Variants in SPAG17 observed in about 807,000 individuals in gnomAD.
The protein encoded by SPAG17 is sperm-associated antigen 17.
In SPAG17, 169 loss-of-function variants were observed where a neutral mutation model predicts 273.6. That is an observed-to-expected ratio of 0.62 (90% confidence interval 0.55 to 0.70). The LOEUF (loss-of-function observed/expected upper bound fraction) is 0.70, where lower values mean the gene tolerates loss of function less well. Ranked by LOEUF, SPAG17 falls within the 30% of genes least tolerant of loss-of-function variation. The pLI is 0.00. For missense variants in SPAG17, 2,557 were observed against 2,627.8 expected, an observed-to-expected ratio of 0.97 and a Z score of 0.59; for synonymous variants, 825 against 873.2, an observed-to-expected ratio of 0.94 and a Z score of 0.97.
At chr1:118,101,639 A>G (rs1224090855) in intron 5 of SPAG17, 101 bp downstream of exon 5, 1 of 1,183,044 alleles carries the variant, frequency 8.5e-7, no homozygotes, top group African/African-American at 1.5e-5. Flanking sequence ...TGGCGTCAGG[A>G]AACTATGCGC....
intron 48 of SPAG17, chr1:117,958,825 A>G: frequency 1.5e-6 from 1 of 660,906 alleles, no homozygotes; most frequent in Non-Finnish European, 2.3e-6. Context: ...TGTTGCTTTG[A>G]TATTGTGTCT....
chr1:117,972,378 T>C (rs1385724627), intron 44 of SPAG17, among the ~76,000 whole-genome samples: 1 of 152,230 alleles, frequency 6.6e-6, no homozygotes, highest in Non-Finnish European at 1.5e-5. Flanking sequence ...TCCATCAGAA[T>C]CTCCTGGAGG....
intron 31 of SPAG17, among the ~76,000 whole-genome samples, chr1:118,006,450 A>G (rs1658889894): frequency 6.6e-6 from 1 of 152,232 alleles, no homozygotes; most frequent in East Asian, 1.9e-4. Context: ...TGGATAAGTA[A>G]TATTCCATTG....
chr1:118,150,691 A>T, intron 2 of SPAG17, 62 bp from the exon 3 acceptor site: 2 of 946,334 alleles, frequency 2.1e-6, no homozygotes, highest in Non-Finnish European at 3.2e-6. Flanking sequence ...ACTTAGATAT[A>T]TGTAACTTTC....
intron 21 of SPAG17, 60 bp downstream of exon 21, chr1:118,041,743 T>C (rs558461671): frequency 1.2e-4 from 183 of 1,558,524 alleles, no homozygotes; most frequent in Non-Finnish European, 1.5e-4. Context: ...AATAACCGTA[T>C]TTTCCCAAAA....
At chr1:118,067,552 C>T (rs1333610082) in intron 17 of SPAG17, among the ~76,000 whole-genome samples, 1 of 152,204 alleles carries the variant, frequency 6.6e-6, no homozygotes, top group Non-Finnish European at 1.5e-5. Flanking sequence ...CTCAACAAAA[C>T]TCAACCATGC....
At chr1:118,033,142 C>T (rs752560431) in intron 24 of SPAG17, among the ~76,000 whole-genome samples, 2 of 152,088 alleles carry the variant, frequency 1.3e-5, no homozygotes, top group Non-Finnish European at 2.9e-5. Flanking sequence ...CATTGGGGCT[C>T]CAATTGTCAT....
Position 118,040,765 on chromosome 1 carries a change from C to T in SPAG17, c.3131G>A (p.Gly1044Glu). ...SNYYLYPSDG[G>E]QIEVEKTMFE... Reference sequence around the variant, plus strand: ...CATTGTCTTTTCCACTTCAATCTGCCCCCCATCAGAAGGATACAGGTAGTA... The same window carrying T: ...CATTGTCTTTTCCACTTCAATCTGCTCCCCATCAGAAGGATACAGGTAGTA... The change falls in exon 22 of 49, where the codon GGG becomes GAG. Residue 1044 changes from glycine (G) to glutamate (E), a missense_variant. Gly to Glu is a moderately conservative substitution (Grantham distance 98). Coordinates refer to ENST00000336338, the MANE Select transcript of SPAG17 (RefSeq NM_206996.4). 6 of 1,604,980 alleles carry T rather than the reference C, an allele frequency of 3.7e-6. No homozygotes were observed. The highest frequency in any genetic ancestry group is 5.1e-6 in the Non-Finnish European group (6 of 1,171,622).
intron 13 of SPAG17, 71 bp from the exon 14 acceptor site, chr1:118,081,713 T>A (rs12043257): frequency 2.4e-6 from 3 of 1,273,290 alleles, no homozygotes; most frequent in Non-Finnish European, 3.4e-6. Flanking sequence ...GACAGAGGGA[T>A]AACCAGGGAG....
In SPAG17 at chr1:118,183,427, G is replaced by A. The variant is rs571330773; in HGVS notation, c.87+1644C>T. Among the ~76,000 whole-genome samples the A allele has an allele frequency of 5.9e-5, 9 of 152,214 alleles. 1 individual carries two copies. In the South Asian group the frequency reaches 1.9e-3, roughly 32 times the overall value. On this transcript the variant is annotated intron_variant, in intron 1 of 48. Coordinates refer to ENST00000336338, the MANE Select transcript of SPAG17 (RefSeq NM_206996.4). ...TTTAGATCAGACATGAAATCAAGCAGAGAAAAATGAGAGAGGAGGTGGAGG... is the reference window on the plus strand; with the variant it reads ...TTTAGATCAGACATGAAATCAAGCAAAGAAAAATGAGAGAGGAGGTGGAGG...
At chr1:118,061,407 G>A (rs1316487470) in intron 18 of SPAG17, among the ~76,000 whole-genome samples, 1 of 152,154 alleles carries the variant, frequency 6.6e-6, no homozygotes, top group African/African-American at 2.4e-5. Flanking sequence ...TAAACCTAGA[G>A]GATATTATGC....
Position 118,175,721 on chromosome 1 carries a change from A to G in SPAG17, c.87+9350T>C, listed in dbSNP as rs1231736369. Among the ~76,000 whole-genome samples, 8 of 152,320 alleles carry G rather than the reference A, an allele frequency of 5.3e-5. No homozygotes were observed. In the South Asian group the frequency reaches 1.7e-3, roughly 32 times the overall value. ...AGACCCATCTTAAAAGAAAAGCTAA[A>G]GGGAGTTCTTTAATGTGAAAGAAAA... On this transcript the variant is annotated intron_variant, in intron 1 of 48. Coordinates refer to ENST00000336338, the MANE Select transcript of SPAG17 (RefSeq NM_206996.4).
chr1:118,005,427 C>T lies in SPAG17; in HGVS notation c.4763G>A (p.Gly1588Glu), dbSNP rs781388157. ...GGTGCACTTTACCTGAAAAGTGTTT[C>T]CCTCAGGATCCAGAACCTCACAGAT... The part of the protein sequence containing the change: ...EVICEVLDPE[G>E]NTFQVMADGS... The change falls in exon 32 of 49, where the codon GGA (glycine) becomes GAA (glutamate). Residue 1588 changes from glycine (G) to glutamate (E), a missense_variant. Gly to Glu is a moderately conservative substitution (Grantham distance 98, BLOSUM62 -2). Coordinates refer to ENST00000336338, the MANE Select transcript of SPAG17 (RefSeq NM_206996.4). The T allele has an allele frequency of 6.2e-7, 1 of 1,604,604 alleles. No individual in the cohort carries two copies. Among genetic ancestry groups the T allele is most frequent in the Admixed American group, 1.7e-5 (1 of 58,084 alleles).
At chr1:118,146,648 T>C (rs971283150) in intron 3 of SPAG17, among the ~76,000 whole-genome samples, 6 of 152,164 alleles carry the variant, frequency 3.9e-5, no homozygotes, top group Admixed American at 2.6e-4. Flanking sequence ...GAATGCCCTC[T>C]TCCACATTTG....
At chr1:118,041,570 G>T (rs546929475) in intron 21 of SPAG17, among the ~76,000 whole-genome samples, 1 of 152,018 alleles carries the variant, frequency 6.6e-6, no homozygotes, top group Admixed American at 6.6e-5. Context: ...ACCTTAGCTA[G>T]GTTCGTGGCA....
At chr1:117,970,168 C>T in intron 45 of SPAG17, 52 bp from the exon 46 acceptor site, 1 of 1,546,054 alleles carries the variant, frequency 6.5e-7, no homozygotes, top group Non-Finnish European at 8.9e-7. Context: ...AACCCATGAG[C>T]AATGAATAAG....
chr1:118,181,398 A>G (rs1660934569), intron 1 of SPAG17, among the ~76,000 whole-genome samples: 1 of 152,164 alleles, frequency 6.6e-6, no homozygotes, highest in Non-Finnish European at 1.5e-5. Context: ...TGCTGTGTGC[A>G]GAGATTCACT....
chr1:117,964,251 T>C lies in SPAG17; in HGVS notation c.6533-313A>G, dbSNP rs185825411. On this transcript the variant is annotated intron_variant, in intron 47 of 48. Coordinates refer to ENST00000336338, the MANE Select transcript of SPAG17 (RefSeq NM_206996.4). ...AGATTTCATGCTTTTTTTTTTTTTT[T>C]TTGGTGGGGAGAGGGACAGATCATT... is the stretch of plus-strand genomic sequence containing the variant. 338 of 194,310 alleles carry C rather than the reference T, an allele frequency of 1.7e-3. 4 individuals carry two copies. The highest frequency in any genetic ancestry group is 7.5e-3 in the African/African-American group (324 of 43,184). The allele number at this position is 194,310 out of a possible 1,614,324, so 12.0% of individuals were successfully genotyped here.
Position 118,087,024 on chromosome 1 carries a change from A to G in SPAG17, c.1360-16T>C, listed in dbSNP as rs1249876736. 2 of 1,549,394 alleles carry G rather than the reference A, an allele frequency of 1.3e-6. No homozygotes were observed. The highest frequency in any genetic ancestry group is 1.7e-6 in the Non-Finnish European group (2 of 1,152,280). ...TTGCAACAACCTGTTGAAATCAACA[A>G]TGAGAGGAATTGGTGTAAGGGTCCG... On this transcript the variant is annotated splice_polypyrimidine_tract_variant and intron_variant, in intron 10 of 48. Coordinates refer to ENST00000336338, the MANE Select transcript of SPAG17 (RefSeq NM_206996.4).
Sources: allele counts gnomAD v4.1 joint callset (sites outside exome capture counted in the v4.1 genomes callset), GRCh38; gene constraint gnomAD v4.1.1; transcripts MANE v1.5; gene names NCBI Gene and HGNC (gene_info 2026-07-23, HGNC 2026-07-21).